The following WWOX variants were observed in gnomAD, a reference collection of about 807,000 sequenced individuals.
WWOX encodes the protein WW domain containing oxidoreductase, also known as WW domain-containing oxidoreductase.
WWOX carries 69 observed loss-of-function variants against 46.2 expected under a neutral mutation model. The observed-to-expected ratio is 1.49, with a 90% CI of 1.23 to 1.82. The LOEUF is 1.82. Among genes scored for constraint, WWOX ranks in the 40% most tolerant of loss-of-function variants. WWOX has a pLI of 0.00. For missense variants in WWOX, 919 were observed against 542.6 expected (o/e 1.69, Z -6.89); for synonymous variants, 359 against 202.6 (o/e 1.77, Z -6.56).
At chr16:78,210,731 A>G (rs1278778449) in intron 5 of WWOX, among the ~76,000 whole-genome samples, 4 of 152,188 alleles carry the variant, frequency 2.6e-5, no homozygotes, top group Admixed American at 2.6e-4. Context: ...ATTGCATTTC[A>G]GAGGGTGGCC....
chr16:78,957,009 C>T (rs2046180968), intron 8 of WWOX, among the ~76,000 whole-genome samples: 1 of 152,184 alleles, frequency 6.6e-6, no homozygotes, highest in South Asian at 2.1e-4. Flanking sequence ...CTTGAGGACT[C>T]CGTGTGTTAT....
At chr16:79,098,929 T>C (rs2049133408) in intron 8 of WWOX, among the ~76,000 whole-genome samples, 1 of 152,194 alleles carries the variant, frequency 6.6e-6, no homozygotes, top group Non-Finnish European at 1.5e-5. Flanking sequence ...TACCTGAGAC[T>C]GGGTAATTCA....
At chr16:79,087,636 C>G (rs192737343) in intron 8 of WWOX, among the ~76,000 whole-genome samples, 2 of 152,328 alleles carry the variant, frequency 1.3e-5, no homozygotes, top group East Asian at 1.9e-4. Flanking sequence ...GAATTACCTG[C>G]CGATGGCTGT....
chr16:78,902,383 A>T (rs969040644), intron 8 of WWOX, among the ~76,000 whole-genome samples: 9 of 152,226 alleles, frequency 5.9e-5, no homozygotes, highest in African/African-American at 1.9e-4. Flanking sequence ...AATTACCTCA[A>T]GGACAAGGGG....
chr16:78,133,197 T>C (rs925962960), intron 4 of WWOX, among the ~76,000 whole-genome samples: 3 of 152,222 alleles, frequency 2.0e-5, no homozygotes, highest in African/African-American at 4.8e-5. Flanking sequence ...AAGGATGCTT[T>C]TTAAAAAACC....
At chr16:78,137,991 A>G (rs1233824773) in intron 4 of WWOX, among the ~76,000 whole-genome samples, 2 of 150,862 alleles carry the variant, frequency 1.3e-5, no homozygotes, top group African/African-American at 4.9e-5. Flanking sequence ...CATTGTTCAA[A>G]GGAAACAGAA....
At chr16:78,684,956 A>G (rs1054303839) in intron 8 of WWOX, among the ~76,000 whole-genome samples, 1 of 152,144 alleles carries the variant, frequency 6.6e-6, no homozygotes. Flanking sequence ...TGTCTGCAAA[A>G]TTGCATCGTG....
At chr16:79,159,155 A>T (rs1490525195) in intron 8 of WWOX, among the ~76,000 whole-genome samples, 2 of 152,172 alleles carry the variant, frequency 1.3e-5, no homozygotes, top group African/African-American at 4.8e-5. Flanking sequence ...ATAAAATTTT[A>T]TTTCGCTTTA....
intron 4 of WWOX, among the ~76,000 whole-genome samples, chr16:78,153,058 A>C (rs1011126861): frequency 6.6e-6 from 1 of 152,170 alleles, no homozygotes; most frequent in Non-Finnish European, 1.5e-5. Flanking sequence ...GTAGTTTTGT[A>C]AGTTCTTAAG....
chr16:78,129,087 A>T (rs550547461), intron 4 of WWOX, among the ~76,000 whole-genome samples: 17 of 152,284 alleles, frequency 1.1e-4, no homozygotes, highest in Middle Eastern at 6.8e-3. Flanking sequence ...CCATCCTTTC[A>T]GCCTGAAAAG....
At chr16:78,886,446 A>G (rs2044460077) in intron 8 of WWOX, among the ~76,000 whole-genome samples, 1 of 151,886 alleles carries the variant, frequency 6.6e-6, no homozygotes, top group East Asian at 1.9e-4. Context: ...TCTTTTGGAC[A>G]TTTGCTCCCA....
chr16:78,510,817 A>AAATG (rs2085343245), intron 8 of WWOX, among the ~76,000 whole-genome samples: 1 of 152,210 alleles, frequency 6.6e-6, no homozygotes, highest in Non-Finnish European at 1.5e-5. Flanking sequence ...ACAGCAGTGG[A>AAATG]TTCACTTCCA....
chr16:79,180,227 T>C (rs920205300), intron 8 of WWOX, among the ~76,000 whole-genome samples: 1 of 152,204 alleles, frequency 6.6e-6, no homozygotes, highest in Non-Finnish European at 1.5e-5. Flanking sequence ...ATCAGTAATT[T>C]ATAGGCTGAC....
chr16:78,608,264 C>A (rs1007255242), intron 8 of WWOX, among the ~76,000 whole-genome samples: 2 of 152,156 alleles, frequency 1.3e-5, no homozygotes, highest in African/African-American at 4.8e-5. Flanking sequence ...GATGCTGATA[C>A]AGTCATGAGG....
chr16:78,616,499 C>T (rs1030792926), intron 8 of WWOX, among the ~76,000 whole-genome samples: 4 of 150,402 alleles, frequency 2.7e-5, no homozygotes. Context: ...TGGTGGCTCA[C>T]ACCTGTAATC....
chr16:78,581,687 C>T (rs931707723), intron 8 of WWOX, among the ~76,000 whole-genome samples: 2 of 152,030 alleles, frequency 1.3e-5, no homozygotes, highest in Non-Finnish European at 2.9e-5. Context: ...GTAGTTTATA[C>T]CAGTACATTT....
At chr16:78,973,614 G>A (rs551363347) in intron 8 of WWOX, among the ~76,000 whole-genome samples, 80 of 152,262 alleles carry the variant, frequency 5.3e-4, no homozygotes, top group African/African-American at 1.9e-3. Flanking sequence ...ACTGTAGGAG[G>A]ACCAACTTCA....
intron 8 of WWOX, among the ~76,000 whole-genome samples, chr16:78,965,307 G>T (rs2046344226): frequency 6.6e-6 from 1 of 152,164 alleles, no homozygotes; most frequent in Non-Finnish European, 1.5e-5. Flanking sequence ...GGTGGCTCAT[G>T]CCTATAATCC....
At position 78,924,808 on chromosome 16, in the gene WWOX, C is replaced by G. The variant is rs545072173; in HGVS notation, c.1057-286800C>G. On this transcript the variant is annotated intron_variant, in intron 8 of 8. Transcript: ENST00000566780. The stretch of plus-strand genomic sequence containing the variant: ...CCTTATAGACATCTCTTTTAGACTA[C>G]TAGTGATTGTTGGTGTCAACATATG... Among the ~76,000 whole-genome samples the G allele has an allele frequency of 1.2e-4, 18 of 152,250 alleles. No homozygotes were observed. In the South Asian group the frequency reaches 2.1e-3, roughly 18 times the overall value.
Sources: gnomAD v4.1 joint callset for allele counts (sites outside exome capture counted in the v4.1 genomes callset) on GRCh38, gnomAD v4.1.1 for gene constraint, MANE v1.5 for transcripts, NCBI Gene and HGNC (gene_info 2026-07-23, HGNC 2026-07-21) for gene names.